The following CNTNAP4 variants were observed in gnomAD, a reference collection of about 807,000 sequenced individuals.
The protein encoded by CNTNAP4 is contactin-associated protein-like 4.
CNTNAP4 carries 98 observed loss-of-function variants against 148.4 expected under a neutral mutation model. The ratio of observed to expected loss-of-function variants is 0.66; its 90% CI spans 0.56 to 0.78. CNTNAP4 has a LOEUF of 0.78. Ranked by LOEUF, CNTNAP4 falls within the 30% of genes least tolerant of loss-of-function variation. CNTNAP4 has a pLI of 0.00. For missense variants in CNTNAP4, 1,935 were observed against 1,565.6 expected (o/e 1.24, Z -3.98); for synonymous variants, 730 against 565.1 (o/e 1.29, Z -4.14).
At chr16:76,429,921 G>A (rs1053444993) in intron 4 of CNTNAP4, among the ~76,000 whole-genome samples, 2 of 152,150 alleles carry the variant, frequency 1.3e-5, no homozygotes, top group Admixed American at 6.6e-5. Context: ...GAAATAGTGT[G>A]GCAGGAGTTA....
chr16:76,304,440 G>A lies in CNTNAP4; in HGVS notation c.86-11973G>A, dbSNP rs533059938. 6.6e-5 allele frequency among the ~76,000 whole-genome samples: 10 copies of A among 152,222 alleles called. No homozygotes were observed. In the East Asian group the frequency reaches 7.7e-4, roughly 12 times the overall value. ...AAGGAAGAATTTCCCGGTAGGATGG[G>A]AGGGTTGAGGGCTCTCAAGAGGTGT... On this transcript the variant is annotated intron_variant, in intron 1 of 23. Coordinates refer to ENST00000611870, the MANE Select transcript of CNTNAP4 (RefSeq NM_033401.5).
At chr16:76,408,717 A>T (rs577064098) in intron 3 of CNTNAP4, among the ~76,000 whole-genome samples, 34 of 152,224 alleles carry the variant, frequency 2.2e-4, no homozygotes, top group African/African-American at 7.9e-4. Context: ...CAAATTTTCA[A>T]TAGTTAACTG....
chr16:76,418,073 C>T (rs903741315), intron 3 of CNTNAP4, among the ~76,000 whole-genome samples: 14 of 142,054 alleles, frequency 9.9e-5, no homozygotes, highest in African/African-American at 2.7e-4. Context: ...TCTGATATGA[C>T]TCAGAATAGT....
At chr16:76,479,647 A>G (rs2081740284) in intron 12 of CNTNAP4, 109 bp downstream of exon 12, 4 of 1,083,618 alleles carry the variant, frequency 3.7e-6, no homozygotes, top group Admixed American at 5.5e-5. Context: ...CTTGATTAAA[A>G]TATGTATTGT....
At chr16:76,495,478 T>C (rs1278285314) in intron 14 of CNTNAP4, among the ~76,000 whole-genome samples, 2 of 152,210 alleles carry the variant, frequency 1.3e-5, no homozygotes, top group Admixed American at 6.5e-5. Context: ...TAACATGCAA[T>C]TGTTTTATAT....
intron 15 of CNTNAP4, among the ~76,000 whole-genome samples, chr16:76,499,227 A>G (rs1375246703): frequency 6.6e-6 from 1 of 151,888 alleles, no homozygotes. Context: ...CTCTTTAACT[A>G]TCTGAAGGCT....
chr16:76,509,456 T>C (rs1409468668), intron 15 of CNTNAP4, among the ~76,000 whole-genome samples: 3 of 97,878 alleles, frequency 3.1e-5, no homozygotes, highest in African/African-American at 5.1e-5. Context: ...TAAAACTTTA[T>C]TCATTAAAAT....
At chr16:76,316,384 C>T in intron 1 of CNTNAP4, 29 bp from the exon 2 acceptor site, 2 of 1,489,980 alleles carry the variant, frequency 1.3e-6, no homozygotes, top group Middle Eastern at 3.4e-4. Flanking sequence ...CACTAACTAA[C>T]CCTAACGTGG....
rs2082884179 is a variant in CNTNAP4 at position 76,507,811 on chromosome 16, CTT to C, written c.2365+9119_2365+9120del. ...CACAGCAAGAAGAAGTCTACAGAGA[CTT>C]TGTGCTACTTCAGTGAATCTTGCAA... On this transcript the variant is annotated intron_variant, in intron 15 of 23. Transcript: ENST00000611870. Among the ~76,000 whole-genome samples, 4 of 97,416 alleles carry C rather than the reference CTT, an allele frequency of 4.1e-5. 1 individual carries two copies. Among genetic ancestry groups the C allele is most frequent in the Admixed American group, 4.0e-4 (4 of 9,962 alleles). 63.9% of individuals were successfully genotyped at this position (97,416 alleles called of 152,430 possible).
chr16:76,448,522 A>C (rs2080334406), intron 5 of CNTNAP4, among the ~76,000 whole-genome samples: 2 of 152,168 alleles, frequency 1.3e-5, no homozygotes, highest in South Asian at 4.1e-4. Context: ...GCAAAGATAA[A>C]ATTTACATAG....
intron 3 of CNTNAP4, among the ~76,000 whole-genome samples, chr16:76,404,405 C>G (rs984546242): frequency 1.3e-5 from 2 of 151,648 alleles, no homozygotes; most frequent in African/African-American, 4.8e-5. Flanking sequence ...TTGGTGACCT[C>G]TTACAGAGAA....
At position 76,522,183 on chromosome 16, in the gene CNTNAP4, A is replaced by G. The variant is rs758417372; in HGVS notation, c.2681A>G (p.Gln894Arg). 8 of 1,614,000 alleles carry G rather than the reference A, an allele frequency of 5.0e-6. No individual in the cohort carries two copies. The highest frequency in any genetic ancestry group is 6.8e-6 in the Non-Finnish European group (8 of 1,179,886). ...NMKEASLQVD[Q>R]LTPKTQPAPA... is the part of the protein sequence containing the mutation. ...AAGGAGGCCTCCCTTCAAGTGGATC[A>G]GCTGACACCAAAGACACAGCCCGCC... The change falls in exon 17 of 24, where the codon CAG becomes CGG. Residue 894 changes from glutamine to arginine, a missense_variant. Coordinates refer to ENST00000611870, the MANE Select transcript of CNTNAP4 (RefSeq NM_033401.5).
chr16:76,317,365 A>C (rs1178352967), intron 2 of CNTNAP4, among the ~76,000 whole-genome samples: 2 of 152,002 alleles, frequency 1.3e-5, no homozygotes, highest in Admixed American at 6.6e-5. Flanking sequence ...TGTTAAAAGG[A>C]AACTGAAGAT....
chr16:76,278,532 CCCTT>C (rs766404382), intron 1 of CNTNAP4, among the ~76,000 whole-genome samples: 15 of 152,328 alleles, frequency 9.8e-5, no homozygotes, highest in South Asian at 6.2e-4. Context: ...TTGGCAGACT[CCCTT>C]CATCCACTCT....
chr16:76,346,397 A>C (rs1435905650), intron 2 of CNTNAP4, among the ~76,000 whole-genome samples: 2 of 150,476 alleles, frequency 1.3e-5, no homozygotes, highest in East Asian at 2.0e-4. Flanking sequence ...TATTTGGCTC[A>C]TGACAGCTTA....
chr16:76,412,505 A>C (rs952469472), intron 3 of CNTNAP4, among the ~76,000 whole-genome samples: 1 of 151,410 alleles, frequency 6.6e-6, no homozygotes, highest in African/African-American at 2.4e-5. Context: ...CACATTCTTG[A>C]AAACACTTGG....
rs77936576 is a variant in CNTNAP4, at chr16:76,491,470, G to C, written c.2080+1587G>C. Among the ~76,000 whole-genome samples the C allele has an allele frequency of 1.8e-4, 28 of 152,314 alleles. No individual in the cohort carries two copies. The East Asian group carries it at 4.6e-3, about 25-fold the overall frequency. On this transcript the variant is annotated intron_variant, in intron 13 of 23. Coordinates refer to ENST00000611870, the MANE Select transcript of CNTNAP4 (RefSeq NM_033401.5). Reference sequence around the variant, plus strand: ...GCCTCACAGGGTTGCAGTGATGATTGGGTGGCATAGCACGTACAAAGTGCA... The same window carrying C: ...GCCTCACAGGGTTGCAGTGATGATTCGGTGGCATAGCACGTACAAAGTGCA...
intron 8 of CNTNAP4, among the ~76,000 whole-genome samples, chr16:76,460,005 C>CGT (rs2080878857): frequency 6.6e-6 from 1 of 152,118 alleles, no homozygotes; most frequent in Non-Finnish European, 1.5e-5. Context: ...TACATGTCTA[C>CGT]ATATATATAA....
At chr16:76,345,113 C>T (rs1194483635) in intron 2 of CNTNAP4, among the ~76,000 whole-genome samples, 1 of 152,114 alleles carries the variant, frequency 6.6e-6, no homozygotes, top group African/African-American at 2.4e-5. Flanking sequence ...CTGACTGGGC[C>T]CCATGATACT....
Sources: allele counts gnomAD v4.1 joint callset (sites outside exome capture counted in the v4.1 genomes callset), GRCh38; gene constraint gnomAD v4.1.1; transcripts MANE v1.5; gene names NCBI Gene and HGNC (gene_info 2026-07-23, HGNC 2026-07-21).